FAM53A: variants seen among roughly 807,000 people sequenced by gnomAD.
The protein encoded by FAM53A is protein FAM53A.
Under a neutral mutation model 26.6 loss-of-function variants are expected in FAM53A, and 28 were observed. That is an observed-to-expected ratio of 1.05 (90% CI 0.78 to 1.45). FAM53A has a LOEUF of 1.45. FAM53A is among the 40% of genes most tolerant of loss of function. The probability of loss-of-function intolerance (pLI) is 0.00; values close to 1 mark genes in which losing one functional copy is unlikely to be tolerated. For synonymous variants in FAM53A, 290 were observed against 253.1 expected (o/e 1.15, Z -1.38); for missense variants, 650 against 575.8 (o/e 1.13, Z -1.32).
downstream of FAM53A, among the ~76,000 whole-genome samples, chr4:1,636,494 G>A (rs898117063): frequency 2.0e-5 from 3 of 152,332 alleles, no homozygotes; most frequent in Admixed American, 6.5e-5. Flanking sequence ...GGGAGATCCC[G>A]TCCGTCCTCG....
upstream of FAM53A, chr4:1,684,342 C>T (rs979358083): frequency 6.7e-6 from 1 of 148,706 alleles, no homozygotes; most frequent in Non-Finnish European, 1.5e-5. Flanking sequence ...GGCCGCCGCC[C>T]CGCCCCCTCC....
intron 1 of FAM53A, among the ~76,000 whole-genome samples, chr4:1,673,615 C>T (rs13144890): frequency 0.58 from 88,255 of 152,102 alleles, 27,344 homozygotes; most frequent in East Asian, 0.89. Context: ...CACCTGTAGT[C>T]CCAGCTACTC....
chr4:1,649,417 C>T lies in FAM53A; in HGVS notation c.882+5561G>A, dbSNP rs114252732. Among the ~76,000 whole-genome samples the T allele has an allele frequency of 5.7e-3, 876 of 152,374 alleles. 6 individuals carry two copies. The highest frequency in any genetic ancestry group is 9.0e-3 in the Non-Finnish European group (613 of 68,038). ...CCACAAGCACCGTTTCTGACCGACA[C>T]TCCTTACGGAGAAGAGCGGTTTTGA... On this transcript the variant is annotated intron_variant, in intron 4 of 4. Coordinates refer to ENST00000308132, the MANE Select transcript of FAM53A (RefSeq NM_001174070.3).
At chr4:1,598,003 G>A in the FAM53A span, among the ~76,000 whole-genome samples, 1 of 152,216 alleles carries the variant, frequency 6.6e-6, no homozygotes, top group Non-Finnish European at 1.5e-5. Context: ...AAAGAACTGA[G>A]GACCTTGGCG....
the FAM53A span, among the ~76,000 whole-genome samples, chr4:1,594,150 C>T: frequency 3.9e-5 from 6 of 152,210 alleles, no homozygotes; most frequent in African/African-American, 1.2e-4. Context: ...GTCCCTGAGC[C>T]GCTTCTGGGC....
chr4:1,580,832 T>C, the FAM53A span, among the ~76,000 whole-genome samples: 6 of 26,918 alleles, frequency 2.2e-4, no homozygotes, highest in African/African-American at 6.8e-4. Flanking sequence ...CCCACCCAGG[T>C]CCCCCCCTCT....
intron 1 of FAM53A, among the ~76,000 whole-genome samples, chr4:1,679,002 AAAAG>A (rs1715223628): frequency 6.6e-6 from 1 of 152,188 alleles, no homozygotes; most frequent in Non-Finnish European, 1.5e-5. Context: ...CACGATCCAT[AAAAG>A]AAAGAATTGT....
intron 1 of FAM53A, among the ~76,000 whole-genome samples, chr4:1,628,038 G>A (rs1393922837): frequency 1.5e-5 from 2 of 132,786 alleles, no homozygotes; most frequent in African/African-American, 2.9e-5. Context: ...AGGGTGGCAC[G>A]GGGGGAGGGT....
At chr4:1,636,702 G>A (rs1308379769), downstream of FAM53A, among the ~76,000 whole-genome samples, 1 of 152,250 alleles carries the variant, frequency 6.6e-6, no homozygotes. Flanking sequence ...CTCTGTCAGA[G>A]GAGAAAGTGC....
the FAM53A span, among the ~76,000 whole-genome samples, chr4:1,588,842 G>GT: frequency 1.3e-5 from 2 of 152,208 alleles, no homozygotes; most frequent in Non-Finnish European, 2.9e-5. Flanking sequence ...CAATGATCTT[G>GT]TATCAGTCAG....
Position 1,655,735 on chromosome 4 carries a change from G to A in FAM53A, c.137-12C>T. The A allele has an allele frequency of 1.3e-6, 2 of 1,536,504 alleles. No homozygotes were observed. Among genetic ancestry groups the A allele is most frequent in the African/African-American group, 1.4e-5 (1 of 71,862 alleles). On this transcript the variant is annotated splice_polypyrimidine_tract_variant and intron_variant, in intron 3 of 4. Transcript: ENST00000308132. ...CCAGGGACTCTGGTCTACAAAAAAA[G>A]ACACAAAGAGGCAGGGGAAGAGACA...
chr4:1,598,775 C>A, the FAM53A span, among the ~76,000 whole-genome samples: 2 of 152,184 alleles, frequency 1.3e-5, no homozygotes, highest in African/African-American at 2.4e-5. Context: ...TAAAATCATG[C>A]GGTTTAAGAG....
chr4:1,628,105 A>AT, intron 1 of FAM53A, among the ~76,000 whole-genome samples: 1 of 10,228 alleles, frequency 9.8e-5, no homozygotes, highest in Non-Finnish European at 1.8e-4. Flanking sequence ...GGAGGGTGGC[A>AT]CGGGGGAGGG....
chr4:1,665,641 T>C (rs891305299), intron 2 of FAM53A, among the ~76,000 whole-genome samples: 13 of 152,256 alleles, frequency 8.5e-5, no homozygotes, highest in Non-Finnish European at 1.5e-4. Flanking sequence ...GACTCAACAG[T>C]GGCCCTGGCT....
intron 2 of FAM53A, among the ~76,000 whole-genome samples, chr4:1,660,896 A>G (rs995798580): frequency 2.6e-5 from 4 of 151,724 alleles, no homozygotes; most frequent in South Asian, 2.1e-4. Flanking sequence ...AAAAAAAACT[A>G]AAAGTTTTTT....
the FAM53A span, among the ~76,000 whole-genome samples, chr4:1,577,353 G>A: frequency 1.3e-4 from 20 of 152,326 alleles, no homozygotes; most frequent in African/African-American, 4.8e-4. Flanking sequence ...TGTGCTCAGG[G>A]CTCAGGGATG....
chr4:1,644,269 G>C (rs745985389), intron 4 of FAM53A: 36 of 1,535,878 alleles, frequency 2.3e-5, no homozygotes, highest in East Asian at 7.3e-5. Context: ...CTGACTGCTC[G>C]GACCCGACAG....
At chr4:1,680,811 T>C (rs1715384173) in intron 1 of FAM53A, among the ~76,000 whole-genome samples, 1 of 149,996 alleles carries the variant, frequency 6.7e-6, no homozygotes, top group South Asian at 2.1e-4. Flanking sequence ...AAAAAAACCG[T>C]GGCTGCCAGG....
chr4:1,654,611 A>C lies in FAM53A; in HGVS notation c.882+367T>G, dbSNP rs114513796. 6.5e-3 allele frequency among the ~76,000 whole-genome samples: 986 copies of C among 152,350 alleles called. 11 individuals are homozygous for C. The highest frequency in any genetic ancestry group is 0.022 in the African/African-American group (927 of 41,584). On this transcript the variant is annotated intron_variant, in intron 4 of 4. Transcript: ENST00000308132. Reference sequence around the variant, plus strand: ...AGGACAGCTTGTTACTTCCTGAGCCATCACCAGAAAAAGTCAGGGGACTCC... The same window carrying C: ...AGGACAGCTTGTTACTTCCTGAGCCCTCACCAGAAAAAGTCAGGGGACTCC...
Sources: gnomAD v4.1 joint callset for allele counts (sites outside exome capture counted in the v4.1 genomes callset) on GRCh38, gnomAD v4.1.1 for gene constraint, MANE v1.5 for transcripts, NCBI Gene and HGNC (gene_info 2026-07-23, HGNC 2026-07-21) for gene names.